The following HCN1 variants were observed in gnomAD, a reference collection of about 807,000 sequenced individuals.
HCN1 encodes the protein potassium/sodium hyperpolarization-activated cyclic nucleotide-gated channel 1.
Under a neutral mutation model 78.9 loss-of-function variants are expected in HCN1, and 13 were observed. The ratio of observed to expected loss-of-function variants is 0.16; its 90% CI spans 0.11 to 0.26. The LOEUF (loss-of-function observed/expected upper bound fraction) is 0.26, where lower values mean the gene tolerates loss of function less well. Ranked by LOEUF, HCN1 falls within the 10% of genes least tolerant of loss-of-function variation. HCN1 has a pLI of 1.00. For missense variants in HCN1, 810 were observed against 1,154.3 expected (o/e 0.70, Z 4.32); for synonymous variants, 552 against 455.5 (o/e 1.21, Z -2.70).
At position 45,450,502 on chromosome 5, in the gene HCN1, T is replaced by C. The variant is rs554253589; in HGVS notation, c.1011+11344A>G. ...CTTGGTGATTATATATAAAGTACTTTTAAAAAGTGTTTTTGACACTATGAT... is the reference window on the plus strand; with the variant it reads ...CTTGGTGATTATATATAAAGTACTTCTAAAAAGTGTTTTTGACACTATGAT... On this transcript the variant is annotated intron_variant, in intron 3 of 7. Coordinates refer to ENST00000303230, the MANE Select transcript of HCN1 (RefSeq NM_021072.4). Among the ~76,000 whole-genome samples, 3 of 152,334 alleles carry C rather than the reference T, an allele frequency of 2.0e-5. No homozygotes were observed. The South Asian group carries it at 6.2e-4, about 32-fold the overall frequency.
intron 2 of HCN1, among the ~76,000 whole-genome samples, chr5:45,595,428 C>T (rs556795949): frequency 2.1e-4 from 32 of 152,270 alleles, no homozygotes; most frequent in Admixed American, 4.6e-4. Flanking sequence ...ACTTCCACCT[C>T]CTGGGTTCAA....
chr5:45,490,490 T>C (rs1025659506), intron 2 of HCN1, among the ~76,000 whole-genome samples: 1 of 152,148 alleles, frequency 6.6e-6, no homozygotes, highest in East Asian at 1.9e-4. Flanking sequence ...TTTCTGAGCA[T>C]TCTTACCAAA....
chr5:45,348,458 C>G (rs1324246324), intron 5 of HCN1, among the ~76,000 whole-genome samples: 1 of 152,134 alleles, frequency 6.6e-6, no homozygotes, highest in Non-Finnish European at 1.5e-5. Flanking sequence ...ACTGCATCAA[C>G]TAACAAGCAA....
intron 2 of HCN1, among the ~76,000 whole-genome samples, chr5:45,544,437 C>G (rs1312981354): frequency 6.6e-6 from 1 of 151,798 alleles, no homozygotes; most frequent in Non-Finnish European, 1.5e-5. Flanking sequence ...AAGCAAATGG[C>G]ATCTTCTGAA....
At chr5:45,436,891 A>G (rs1740568282) in intron 3 of HCN1, among the ~76,000 whole-genome samples, 1 of 152,226 alleles carries the variant, frequency 6.6e-6, no homozygotes, top group Admixed American at 6.5e-5. Flanking sequence ...GCAAAAAGAG[A>G]CCAGAGAAAA....
chr5:45,646,367 C>CT (rs201964510), intron 1 of HCN1, among the ~76,000 whole-genome samples: 2,761 of 123,432 alleles, frequency 0.022, 80 homozygotes, highest in African/African-American at 0.056. Flanking sequence ...TTCTTTCTTT[C>CT]TTTTTTTTTT....
chr5:45,359,686 G>A (rs1025634619), intron 4 of HCN1, among the ~76,000 whole-genome samples: 5 of 151,602 alleles, frequency 3.3e-5, no homozygotes, highest in Non-Finnish European at 4.4e-5. Context: ...CTGAAATAGA[G>A]CTTCTTTAAA....
intron 6 of HCN1, among the ~76,000 whole-genome samples, chr5:45,301,881 T>A (rs1745630397): frequency 6.6e-6 from 1 of 151,850 alleles, no homozygotes; most frequent in East Asian, 1.9e-4. Context: ...GTAAATGCAA[T>A]TAAGAAACAA....
At chr5:45,366,463 A>T (rs1412199087) in intron 4 of HCN1, among the ~76,000 whole-genome samples, 1 of 151,790 alleles carries the variant, frequency 6.6e-6, no homozygotes, top group Non-Finnish European at 1.5e-5. Context: ...TAATAGCTTA[A>T]AACAGGACAT....
chr5:45,462,953 G>A (rs940142502), intron 2 of HCN1, among the ~76,000 whole-genome samples: 3 of 152,102 alleles, frequency 2.0e-5, no homozygotes, highest in South Asian at 2.1e-4. Flanking sequence ...CCACTTGGGA[G>A]CAGACCTACA....
At chr5:45,338,263 T>C (rs1746505642) in intron 5 of HCN1, among the ~76,000 whole-genome samples, 1 of 152,156 alleles carries the variant, frequency 6.6e-6, no homozygotes, top group Non-Finnish European at 1.5e-5. Context: ...GTATGACCTA[T>C]TCCTCACTTT....
At chr5:45,528,911 T>G (rs1221314412) in intron 2 of HCN1, among the ~76,000 whole-genome samples, 1 of 151,978 alleles carries the variant, frequency 6.6e-6, no homozygotes, top group Non-Finnish European at 1.5e-5. Flanking sequence ...TAAAGACAAG[T>G]AGAATTTAGT....
chr5:45,630,032 T>G (rs1378914889), intron 2 of HCN1, among the ~76,000 whole-genome samples: 1 of 152,074 alleles, frequency 6.6e-6, no homozygotes, highest in Admixed American at 6.6e-5. Flanking sequence ...TCCCCCAGGG[T>G]AAGTGCCAGT....
At chr5:45,279,010 T>G (rs1745113232) in intron 6 of HCN1, among the ~76,000 whole-genome samples, 1 of 152,106 alleles carries the variant, frequency 6.6e-6, no homozygotes, top group Non-Finnish European at 1.5e-5. Flanking sequence ...AGAAAAACAT[T>G]TGCCTACTCC....
intron 2 of HCN1, among the ~76,000 whole-genome samples, chr5:45,571,241 C>T (rs1177797956): frequency 1.3e-5 from 2 of 152,042 alleles, no homozygotes; most frequent in African/African-American, 4.8e-5. Context: ...CACGTAAATC[C>T]AGATTAGTAA....
intron 2 of HCN1, among the ~76,000 whole-genome samples, chr5:45,605,361 G>T (rs1165797807): frequency 4.6e-5 from 7 of 151,930 alleles, no homozygotes; most frequent in Non-Finnish European, 4.4e-5. Flanking sequence ...AGTTATGCAG[G>T]AGAATAATTT....
chr5:45,695,507 C>G (rs1424053884), intron 1 of HCN1, among the ~76,000 whole-genome samples, 162 bp downstream of exon 1: 11 of 152,100 alleles, frequency 7.2e-5, no homozygotes, highest in Non-Finnish European at 2.9e-5. Flanking sequence ...GGAAACTACC[C>G]GGAGGCGCCG....
chr5:45,515,903 C>T (rs1742508944), intron 2 of HCN1, among the ~76,000 whole-genome samples: 7 of 151,902 alleles, frequency 4.6e-5, no homozygotes, highest in Admixed American at 4.6e-4. Flanking sequence ...ATTAAATCTA[C>T]CACCAAAAAT....
At chr5:45,401,138 G>A (rs995464549) in intron 3 of HCN1, among the ~76,000 whole-genome samples, 3 of 152,130 alleles carry the variant, frequency 2.0e-5, no homozygotes, top group Non-Finnish European at 4.4e-5. Context: ...GGTTCAAAGA[G>A]TAAGATTTTC....
Sources: allele counts gnomAD v4.1 joint callset (sites outside exome capture counted in the v4.1 genomes callset), GRCh38; gene constraint gnomAD v4.1.1; transcripts MANE v1.5; gene names NCBI Gene and HGNC (gene_info 2026-07-23, HGNC 2026-07-21).